The following AMPH variants were observed in gnomAD, a reference collection of about 807,000 sequenced individuals.
The protein encoded by AMPH is amphiphysin (Stiff-Mann syndrome with breast cancer 128kD autoantigen).
AMPH carries 49 observed loss-of-function variants against 99.1 expected under a neutral mutation model. The ratio of observed to expected loss-of-function variants is 0.49; its 90% CI spans 0.39 to 0.63. The LOEUF (loss-of-function observed/expected upper bound fraction) is 0.63, where lower values mean the gene tolerates loss of function less well. Among genes scored for constraint, AMPH ranks in the 20% least tolerant of loss-of-function variants. The pLI is 0.00. For synonymous variants in AMPH, 314 were observed against 317.3 expected (o/e 0.99, Z 0.11); for missense variants, 759 against 863.4 (o/e 0.88, Z 1.52).
intron 1 of AMPH, among the ~76,000 whole-genome samples, chr7:38,561,946 CT>C (rs1168332227): frequency 6.6e-6 from 1 of 150,756 alleles, no homozygotes; most frequent in Non-Finnish European, 1.5e-5. Flanking sequence ...AGTGTTGTTA[CT>C]TAAACCACCC....
At position 38,436,491 on chromosome 7, in the gene AMPH, A is replaced by G. The variant is rs538954768; in HGVS notation, c.1018-103T>C. The G allele has an allele frequency of 9.6e-5, 82 of 856,530 alleles. No individual in the cohort carries two copies. The African/African-American group carries it at 1.3e-3, about 14-fold the overall frequency. The allele number at this position is 856,530 out of a possible 1,614,324, so 53.1% of individuals were successfully genotyped here. A position where few individuals can be genotyped will look rare whatever the true frequency, so the allele number is the denominator to read the frequency against. Reference sequence around the variant, plus strand: ...ACTCTCTCTAATATTATTATTGAGTATCTCCAAAACACACTTTTATAAGCA... The same window carrying G: ...ACTCTCTCTAATATTATTATTGAGTGTCTCCAAAACACACTTTTATAAGCA... On this transcript the variant is annotated intron_variant, in intron 11 of 20. Coordinates refer to ENST00000356264, the MANE Select transcript of AMPH (RefSeq NM_001635.4).
At position 38,465,742 on chromosome 7, in the gene AMPH, C is replaced by T. The variant is rs577342398; in HGVS notation, c.667-193G>A. Among the ~76,000 whole-genome samples, 50 of 152,132 alleles carry T rather than the reference C, an allele frequency of 3.3e-4. 1 individual carries two copies. The South Asian group carries it at 5.4e-3, about 16-fold the overall frequency. On this transcript the variant is annotated intron_variant, in intron 8 of 20. Coordinates refer to ENST00000356264, the MANE Select transcript of AMPH (RefSeq NM_001635.4). ...TGTCAAAACTGAAACAAACGAAACA[C>T]GAGTAAACTAAATATATATGTATAT...
chr7:38,419,930 T>C (rs1562740963), intron 16 of AMPH, among the ~76,000 whole-genome samples: 1 of 152,218 alleles, frequency 6.6e-6, no homozygotes, highest in Non-Finnish European at 1.5e-5. Context: ...TTCTTAGAAG[T>C]CTGAAGAAAT....
At chr7:38,581,046 A>G (rs1353209934) in intron 1 of AMPH, among the ~76,000 whole-genome samples, 1 of 152,166 alleles carries the variant, frequency 6.6e-6, no homozygotes, top group African/African-American at 2.4e-5. Context: ...ATTCACTTCA[A>G]ATATTTACTA....
At chr7:38,505,248 G>A (rs888198935) in intron 2 of AMPH, among the ~76,000 whole-genome samples, 1 of 152,174 alleles carries the variant, frequency 6.6e-6, no homozygotes, top group African/African-American at 2.4e-5. Flanking sequence ...TTCTGAATTA[G>A]GATATTTTCC....
At chr7:38,387,454 T>A (rs1435008654) in intron 20 of AMPH, among the ~76,000 whole-genome samples, 2 of 151,974 alleles carry the variant, frequency 1.3e-5, no homozygotes, top group African/African-American at 2.4e-5. Flanking sequence ...GAAATAACAA[T>A]ATGGAAATGA....
intron 1 of AMPH, among the ~76,000 whole-genome samples, chr7:38,618,520 A>G (rs1054794901): frequency 3.3e-5 from 5 of 152,162 alleles, no homozygotes; most frequent in African/African-American, 1.2e-4. Context: ...TCAAAAAAAA[A>G]GAGTTGCATA....
At chr7:38,571,207 ATTTATATATT>A (rs1791985303) in intron 1 of AMPH, among the ~76,000 whole-genome samples, 1 of 94,610 alleles carries the variant, frequency 1.1e-5, no homozygotes, top group Non-Finnish European at 1.8e-5. Flanking sequence ...ATATATAATT[ATTTATATATT>A]TTTATATATT....
chr7:38,502,163 CAT>C (rs1050794995), intron 3 of AMPH, among the ~76,000 whole-genome samples: 2 of 152,070 alleles, frequency 1.3e-5, no homozygotes, highest in African/African-American at 4.8e-5. Flanking sequence ...TTTTAAAAAA[CAT>C]ATTAAGTTTT....
At chr7:38,450,199 T>C (rs560301098) in intron 11 of AMPH, among the ~76,000 whole-genome samples, 2 of 152,320 alleles carry the variant, frequency 1.3e-5, no homozygotes, top group African/African-American at 2.4e-5. Flanking sequence ...ATAATTCCTC[T>C]GGATTTGTAA....
intron 1 of AMPH, among the ~76,000 whole-genome samples, chr7:38,622,454 T>TACACACAC (rs57860314): frequency 0.023 from 3,435 of 149,786 alleles, 101 homozygotes; most frequent in African/African-American, 0.071. Context: ...TATGAATACA[T>TACACACAC]ACACACACAC....
At chr7:38,630,276 T>C (rs749796147) in intron 1 of AMPH, among the ~76,000 whole-genome samples, 1 of 152,168 alleles carries the variant, frequency 6.6e-6, no homozygotes, top group Non-Finnish European at 1.5e-5. Context: ...AGCTACAATA[T>C]AAAGGAAATG....
chr7:38,520,385 C>T (rs568226487), intron 2 of AMPH, among the ~76,000 whole-genome samples: 63 of 152,184 alleles, frequency 4.1e-4, no homozygotes, highest in Middle Eastern at 3.4e-3. Context: ...AAAAAGAGGG[C>T]TTTGATATTA....
At position 38,525,277 on chromosome 7, in the gene AMPH, T is replaced by TAGAG. The variant is rs66462162; in HGVS notation, c.150+9650_150+9653dup. On this transcript the variant is annotated intron_variant, in intron 2 of 20. Coordinates refer to ENST00000356264, the MANE Select transcript of AMPH (RefSeq NM_001635.4). Reference sequence around the variant, plus strand: ...GTGTGTGTATATATATATATATATATAGAGAGAGAGAGAGAGAGAGAGAGA... The same window carrying TAGAG: ...GTGTGTGTATATATATATATATATATAGAGAGAGAGAGAGAGAGAGAGAGAGAGA... Among the ~76,000 whole-genome samples the TAGAG allele has an allele frequency of 2.0e-3, 173 of 86,632 alleles. 1 individual carries two copies. The highest frequency in any genetic ancestry group is 0.011 in the Middle Eastern group (2 of 176). The allele number at this position is 86,632 out of a possible 152,430, so 56.8% of individuals were successfully genotyped here.
At position 38,481,831 on chromosome 7, in the gene AMPH, T is replaced by C. The variant is rs543432213; in HGVS notation, c.397-4862A>G. On this transcript the variant is annotated intron_variant, in intron 5 of 20. Coordinates refer to ENST00000356264, the MANE Select transcript of AMPH (RefSeq NM_001635.4). ...TTTAAAAATTCTCCACTGAGTATTTTTGTAAAATACTCCACCGAGTATTCT... is the reference window on the plus strand; with the variant it reads ...TTTAAAAATTCTCCACTGAGTATTTCTGTAAAATACTCCACCGAGTATTCT... Among the ~76,000 whole-genome samples the C allele has an allele frequency of 2.2e-3, 334 of 152,270 alleles. 1 individual carries two copies. The highest frequency in any genetic ancestry group is 7.6e-3 in the African/African-American group (314 of 41,566).
intron 2 of AMPH, among the ~76,000 whole-genome samples, chr7:38,528,509 G>GTCC (rs1217183733): frequency 9.2e-5 from 14 of 152,134 alleles, no homozygotes; most frequent in African/African-American, 3.1e-4. Context: ...TGTCAAATCT[G>GTCC]TAAGTATAAA....
intron 14 of AMPH, chr7:38,429,008 T>C: frequency 7.8e-7 from 1 of 1,290,080 alleles, no homozygotes; most frequent in Non-Finnish European, 1.0e-6. Flanking sequence ...TCTCTTCAAA[T>C]TCCTCTGTAC....
At chr7:38,438,358 T>C (rs1266044215) in intron 11 of AMPH, among the ~76,000 whole-genome samples, 2 of 152,158 alleles carry the variant, frequency 1.3e-5, no homozygotes, top group African/African-American at 4.8e-5. Context: ...ATGAAGAGAA[T>C]TGGCTGAATG....
At chr7:38,414,113 G>A (rs1206508791) in intron 17 of AMPH, among the ~76,000 whole-genome samples, 2 of 152,222 alleles carry the variant, frequency 1.3e-5, no homozygotes, top group African/African-American at 4.8e-5. Flanking sequence ...AGTAAAAGAG[G>A]AAGTGAGCAC....
Sources: allele counts gnomAD v4.1 joint callset (sites outside exome capture counted in the v4.1 genomes callset), GRCh38; gene constraint gnomAD v4.1.1; transcripts MANE v1.5; gene names NCBI Gene and HGNC (gene_info 2026-07-23, HGNC 2026-07-21).